The following TNPO3 variants were observed in gnomAD, a reference collection of about 807,000 sequenced individuals.
TNPO3 encodes the protein transportin 3.
In TNPO3, 65 loss-of-function variants were observed where a neutral mutation model predicts 122.8. That is an observed-to-expected ratio of 0.53 (90% CI 0.43 to 0.65). The LOEUF (loss-of-function observed/expected upper bound fraction) is 0.65, where lower values mean the gene tolerates loss of function less well. TNPO3 is among the 30% of genes least tolerant of loss of function. TNPO3 has a pLI of 0.00. For synonymous variants in TNPO3, 372 were observed against 411.2 expected (o/e 0.90, Z 1.15); for missense variants, 850 against 1,136.7 (o/e 0.75, Z 3.63).
At chr7:129,033,426 C>T (rs1035341897) in intron 1 of TNPO3, among the ~76,000 whole-genome samples, 4 of 151,812 alleles carry the variant, frequency 2.6e-5, no homozygotes, top group Non-Finnish European at 4.4e-5. Context: ...TCCAAAAAAA[C>T]GAAGCAAAAA....
intron 21 of TNPO3, among the ~76,000 whole-genome samples, chr7:128,963,261 A>G (rs1003015282): frequency 2.0e-5 from 3 of 152,200 alleles, no homozygotes; most frequent in Non-Finnish European, 4.4e-5. Context: ...GATTCAAACC[A>G]ACATACTTGA....
intron 21 of TNPO3, among the ~76,000 whole-genome samples, chr7:128,961,065 G>A (rs1028404178): frequency 2.6e-5 from 4 of 151,946 alleles, no homozygotes; most frequent in African/African-American, 9.7e-5. Flanking sequence ...CTGGCCAAGG[G>A]TTAATTTATT....
At chr7:129,044,103 T>C (rs1391612794) in intron 1 of TNPO3, among the ~76,000 whole-genome samples, 2 of 152,238 alleles carry the variant, frequency 1.3e-5, no homozygotes, top group Non-Finnish European at 2.9e-5. Context: ...AAAGTGGTAA[T>C]TAAATCTCTG....
At chr7:129,027,588 A>AAC (rs1805382420) in intron 1 of TNPO3, among the ~76,000 whole-genome samples, 1 of 79,062 alleles carries the variant, frequency 1.3e-5, no homozygotes, top group Non-Finnish European at 2.9e-5. Context: ...AAAAAAAAAA[A>AAC]AAACAACACA....
intron 1 of TNPO3, among the ~76,000 whole-genome samples, chr7:129,034,604 G>A (rs1022801053): frequency 6.6e-6 from 1 of 151,544 alleles, no homozygotes; most frequent in African/African-American, 2.4e-5. Context: ...ATAAAGACCT[G>A]CGAGGCCAGG....
At chr7:129,023,072 G>A (rs1309896332) in intron 1 of TNPO3, among the ~76,000 whole-genome samples, 1 of 152,190 alleles carries the variant, frequency 6.6e-6, no homozygotes, top group Admixed American at 6.5e-5. Context: ...TATACTGATA[G>A]TAGTAGTGTT....
chr7:129,011,435 C>T (rs533233644), intron 4 of TNPO3, among the ~76,000 whole-genome samples: 1 of 152,302 alleles, frequency 6.6e-6, no homozygotes, highest in African/African-American at 2.4e-5. Context: ...CCTCTGCCTC[C>T]CGGGTTCAAG....
At chr7:129,020,809 A>C (rs1188549539) in intron 1 of TNPO3, among the ~76,000 whole-genome samples, 2 of 152,236 alleles carry the variant, frequency 1.3e-5, no homozygotes, top group African/African-American at 4.8e-5. Context: ...CTCAAAAAAA[A>C]CAGAGCATTA....
chr7:128,974,067 G>A (rs1035275481), intron 18 of TNPO3, among the ~76,000 whole-genome samples: 18 of 151,324 alleles, frequency 1.2e-4, no homozygotes, highest in Non-Finnish European at 1.8e-4. Flanking sequence ...CCAACTACTC[G>A]GGAGGCTGAG....
At chr7:129,054,540 C>T in intron 1 of TNPO3, 111 bp downstream of exon 1, 1 of 1,517,832 alleles carries the variant, frequency 6.6e-7, no homozygotes, top group African/African-American at 1.4e-5. Flanking sequence ...AGCAGCTCCT[C>T]CCCAAGGAGG....
intron 1 of TNPO3, among the ~76,000 whole-genome samples, chr7:129,024,739 A>G (rs1469547182): frequency 6.6e-6 from 1 of 152,222 alleles, no homozygotes; most frequent in Non-Finnish European, 1.5e-5. Flanking sequence ...AATAACCTAC[A>G]GAGGCCAGGT....
At chr7:128,965,373 G>T (rs768196579) in intron 21 of TNPO3, among the ~76,000 whole-genome samples, 20 of 152,070 alleles carry the variant, frequency 1.3e-4, no homozygotes, top group Non-Finnish European at 2.6e-4. Flanking sequence ...AATGAAAACG[G>T]CAATGAGATA....
chr7:128,963,300 C>T (rs1275671859), intron 21 of TNPO3, among the ~76,000 whole-genome samples: 1 of 152,146 alleles, frequency 6.6e-6, no homozygotes, highest in Non-Finnish European at 1.5e-5. Context: ...GAGGGTTTCC[C>T]CTAGGTTCCC....
intron 14 of TNPO3, among the ~76,000 whole-genome samples, chr7:128,981,728 GTCT>G (rs1799644076): frequency 6.6e-6 from 1 of 150,522 alleles, no homozygotes; most frequent in Admixed American, 6.6e-5. Context: ...TTTTTAAAGA[GTCT>G]TTTTTTTTTT....
chr7:128,970,300 C>A lies in TNPO3; in HGVS notation c.2446G>T (p.Glu816Ter). The change falls in exon 20 of 23, where the codon GAA becomes TAA. Residue 816 changes from glutamate (E) to a stop codon, truncating the protein, a stop_gained. Coordinates refer to ENST00000265388, the MANE Select transcript of TNPO3 (RefSeq NM_012470.4). LOFTEE classifies it high-confidence loss of function. ...GVANDHEEDF[E>*]LRKELIGQVM... is the part of the protein sequence containing the mutation. ...TGTCCAATCAGTTCTTTCCGTAATTCAAAGTCTTCTTCATGCTGTATGTAG... is the reference window on the plus strand; with the variant it reads ...TGTCCAATCAGTTCTTTCCGTAATTAAAAGTCTTCTTCATGCTGTATGTAG... 1 of 1,601,450 alleles carries A rather than the reference C, an allele frequency of 6.2e-7. No homozygotes were observed. The highest frequency in any genetic ancestry group is 8.5e-7 in the Non-Finnish European group (1 of 1,173,186).
intron 5 of TNPO3, among the ~76,000 whole-genome samples, 170 bp downstream of exon 5, chr7:129,004,846 A>C (rs943974626): frequency 6.6e-6 from 1 of 152,258 alleles, no homozygotes; most frequent in African/African-American, 2.4e-5. Flanking sequence ...AGGAGTATTA[A>C]AACTGATACT....
intron 9 of TNPO3, 148 bp from the exon 10 acceptor site, chr7:128,992,238 T>C (rs1264412972): frequency 2.1e-6 from 1 of 478,916 alleles, no homozygotes; most frequent in Non-Finnish European, 3.7e-6. Flanking sequence ...TATTTTCTTT[T>C]TTTTATATCA....
At chr7:129,043,171 T>C (rs1199907571) in intron 1 of TNPO3, among the ~76,000 whole-genome samples, 8 of 150,414 alleles carry the variant, frequency 5.3e-5, no homozygotes, top group African/African-American at 1.5e-4. Flanking sequence ...GAGGCCAAGG[T>C]GGGAGGATCA....
intron 14 of TNPO3, among the ~76,000 whole-genome samples, 163 bp downstream of exon 14, chr7:128,982,085 A>T (rs1465413291): frequency 6.6e-6 from 1 of 152,160 alleles, no homozygotes; most frequent in Non-Finnish European, 1.5e-5. Context: ...AATTCTTAGA[A>T]TTTGCCTTTG....
Sources: gnomAD v4.1 joint callset for allele counts (sites outside exome capture counted in the v4.1 genomes callset) on GRCh38, gnomAD v4.1.1 for gene constraint, MANE v1.5 for transcripts, NCBI Gene and HGNC (gene_info 2026-07-23, HGNC 2026-07-21) for gene names.